Variants in CABCOCO1 observed in about 807,000 individuals in gnomAD.
CABCOCO1 encodes ciliary-associated calcium-binding coiled-coil protein 1.
A neutral mutation model predicts 35.7 loss-of-function variants in CABCOCO1; 28 were observed. That is an observed-to-expected ratio of 0.78 (90% CI 0.58 to 1.07). The LOEUF is 1.07. Among genes scored for constraint, CABCOCO1 ranks in the 50% least tolerant of loss-of-function variants. The pLI is 0.00. For synonymous variants in CABCOCO1, 95 were observed against 100.1 expected, an observed-to-expected ratio of 0.95 and a Z score of 0.30; for missense variants, 326 against 309.2, an observed-to-expected ratio of 1.05 and a Z score of -0.41.
At chr10:61,764,720 A>G (rs1024596606) in intron 7 of CABCOCO1, among the ~76,000 whole-genome samples, 8 of 152,070 alleles carry the variant, frequency 5.3e-5, no homozygotes, top group South Asian at 2.1e-4. Context: ...CCACCAAGAA[A>G]GGAAAAGATA....
intron 7 of CABCOCO1, among the ~76,000 whole-genome samples, chr10:61,762,785 C>A (rs772178517): frequency 6.6e-6 from 1 of 152,026 alleles, no homozygotes; most frequent in Non-Finnish European, 1.5e-5. Context: ...CTAATTCCAG[C>A]GTTATCCACA....
intron 5 of CABCOCO1, among the ~76,000 whole-genome samples, chr10:61,750,115 T>C (rs1841749440): frequency 6.6e-6 from 1 of 152,134 alleles, no homozygotes; most frequent in Non-Finnish European, 1.5e-5. Flanking sequence ...GAAAGCAATG[T>C]GAATCATGGC....
At position 61,760,108 on chromosome 10, in the gene CABCOCO1, T is replaced by G. The variant is rs758325979; in HGVS notation, c.602T>G (p.Leu201Arg). The part of the protein sequence containing the change: ...KSACGPFPNP[L>R]EEGISFDIYS... ...GCATGTGGCCCTTTCCCAAATCCTCTGGAAGAAGGAATCTCATTTGATATT... is the reference window on the plus strand; with the variant it reads ...GCATGTGGCCCTTTCCCAAATCCTCGGGAAGAAGGAATCTCATTTGATATT... The change falls in exon 6 of 8, where the codon CTG becomes CGG. Residue 201 changes from leucine (L) to arginine (R), a missense_variant. By Grantham distance (102) the Leu-to-Arg change is moderately radical. Coordinates refer to ENST00000648843, the MANE Select transcript of CABCOCO1 (RefSeq NM_001366906.2). 3 of 1,612,620 alleles carry G rather than the reference T, an allele frequency of 1.9e-6. No individual in the cohort carries two copies. The South Asian group carries it at 3.3e-5, about 18-fold the overall frequency.
At chr10:61,696,562 A>C (rs182562388) in intron 5 of CABCOCO1, among the ~76,000 whole-genome samples, 33 of 152,156 alleles carry the variant, frequency 2.2e-4, no homozygotes, top group African/African-American at 6.5e-4. Flanking sequence ...CAGTCATGTG[A>C]TTATAGCTCA....
At chr10:61,695,739 A>G (rs1840277053) in intron 5 of CABCOCO1, among the ~76,000 whole-genome samples, 1 of 152,104 alleles carries the variant, frequency 6.6e-6, no homozygotes. Context: ...TTGTCCTAAG[A>G]AAATAACTGT....
At chr10:61,670,289 C>T (rs930167025) in intron 1 of CABCOCO1, among the ~76,000 whole-genome samples, 3 of 151,568 alleles carry the variant, frequency 2.0e-5, no homozygotes, top group African/African-American at 7.3e-5. Flanking sequence ...GTACCTTAAA[C>T]AAAAACTGGG....
intron 5 of CABCOCO1, among the ~76,000 whole-genome samples, chr10:61,730,623 T>A (rs1267574360): frequency 6.6e-6 from 1 of 152,100 alleles, no homozygotes; most frequent in Non-Finnish European, 1.5e-5. Flanking sequence ...AGCGTGCCAA[T>A]GTATCTTCCC....
At position 61,745,384 on chromosome 10, in the gene CABCOCO1, C is replaced by G. The variant is rs1564554142; in HGVS notation, c.553-14675C>G. 2.6e-5 allele frequency among the ~76,000 whole-genome samples: 4 copies of G among 152,144 alleles called. No individual in the cohort carries two copies. The South Asian group carries it at 6.2e-4, about 24-fold the overall frequency. On this transcript the variant is annotated intron_variant, in intron 5 of 7. Transcript: ENST00000648843. ...GGCTAGTTGACAAGGTTGACAAGGT[C>G]CACTTACAAACCCCACTATGGCCTC... is the stretch of plus-strand genomic sequence containing the variant.
intron 5 of CABCOCO1, among the ~76,000 whole-genome samples, chr10:61,718,408 T>A (rs1364809903): frequency 6.6e-6 from 1 of 152,150 alleles, no homozygotes; most frequent in African/African-American, 2.4e-5. Context: ...AAATGCTCAA[T>A]CAACTAAGTG....
chr10:61,734,773 A>T (rs1841378999), intron 5 of CABCOCO1, among the ~76,000 whole-genome samples: 1 of 152,078 alleles, frequency 6.6e-6, no homozygotes, highest in South Asian at 2.1e-4. Flanking sequence ...TATCAAAGAG[A>T]TTGTGAGTGA....
chr10:61,737,183 A>G (rs1029408515), intron 5 of CABCOCO1, among the ~76,000 whole-genome samples: 1 of 151,912 alleles, frequency 6.6e-6, no homozygotes, highest in Admixed American at 6.6e-5. Context: ...ACATGCGACC[A>G]ACAAGCATAT....
intron 5 of CABCOCO1, among the ~76,000 whole-genome samples, chr10:61,730,839 A>T (rs1841286051): frequency 6.6e-6 from 1 of 152,020 alleles, no homozygotes; most frequent in African/African-American, 2.4e-5. Flanking sequence ...TCAAAAATGC[A>T]TAAATCATTA....
chr10:61,735,344 T>C (rs1057017963), intron 5 of CABCOCO1, among the ~76,000 whole-genome samples: 3 of 152,110 alleles, frequency 2.0e-5, no homozygotes, highest in East Asian at 3.8e-4. Context: ...TTTCTATCAA[T>C]AAAATCAGAT....
intron 5 of CABCOCO1, among the ~76,000 whole-genome samples, chr10:61,716,574 AAC>A (rs564010041): frequency 2.6e-5 from 4 of 152,080 alleles, no homozygotes; most frequent in Non-Finnish European, 4.4e-5. Context: ...TTAACCCCTA[AAC>A]TGAAAATAGC....
chr10:61,732,022 G>T (rs183282775), intron 5 of CABCOCO1, among the ~76,000 whole-genome samples: 7 of 152,096 alleles, frequency 4.6e-5, no homozygotes, highest in Admixed American at 3.3e-4. Context: ...TAAAGCAAAA[G>T]AATTTTGAAT....
chr10:61,755,864 T>C (rs913372869), intron 5 of CABCOCO1, among the ~76,000 whole-genome samples: 1 of 151,926 alleles, frequency 6.6e-6, no homozygotes, highest in Non-Finnish European at 1.5e-5. Flanking sequence ...GATAAAATCT[T>C]TATACCACTT....
At chr10:61,690,262 C>T (rs1052036722) in intron 4 of CABCOCO1, among the ~76,000 whole-genome samples, 21 of 152,136 alleles carry the variant, frequency 1.4e-4, no homozygotes, top group African/African-American at 4.6e-4. Context: ...AGTCAAGATG[C>T]CATCTAATTT....
chr10:61,719,912 C>G (rs1285228867), intron 5 of CABCOCO1, among the ~76,000 whole-genome samples: 1 of 103,074 alleles, frequency 9.7e-6, no homozygotes, highest in Non-Finnish European at 1.9e-5. Context: ...CAGAGTGAGA[C>G]TCCATCTCAA....
rs950513215 is a variant in CABCOCO1 at position 61,698,111 on chromosome 10, A to T, written c.552+7490A>T. Among the ~76,000 whole-genome samples the T allele has an allele frequency of 4.6e-5, 7 of 152,168 alleles. No individual in the cohort carries two copies. The East Asian group carries it at 5.8e-4, about 13-fold the overall frequency. ...TAGATCATTTGTATTTTCAAAGGTTATATCCTATGTATGCATTTCAATACA... is the reference window on the plus strand; with the variant it reads ...TAGATCATTTGTATTTTCAAAGGTTTTATCCTATGTATGCATTTCAATACA... On this transcript the variant is annotated intron_variant, in intron 5 of 7. Transcript: ENST00000648843.
Sources: gnomAD v4.1 joint callset for allele counts (sites outside exome capture counted in the v4.1 genomes callset) on GRCh38, gnomAD v4.1.1 for gene constraint, MANE v1.5 for transcripts, NCBI Gene and HGNC (gene_info 2026-07-23, HGNC 2026-07-21) for gene names.